The following CCDC85A variants were observed in gnomAD, a reference collection of about 807,000 sequenced individuals.
The protein encoded by CCDC85A is coiled-coil domain containing 85A.
A neutral mutation model predicts 50.2 loss-of-function variants in CCDC85A; 38 were observed. The ratio of observed to expected loss-of-function variants is 0.76; its 90% CI spans 0.58 to 0.99. CCDC85A has a LOEUF of 0.99. Ranked by LOEUF, CCDC85A falls within the 50% of genes least tolerant of loss-of-function variation. CCDC85A has a pLI of 0.00. For synonymous variants in CCDC85A, 366 were observed against 301.4 expected, an observed-to-expected ratio of 1.21 and a Z score of -2.22; for missense variants, 820 against 742.0, an observed-to-expected ratio of 1.11 and a Z score of -1.22.
Position 56,192,542 on chromosome 2 carries a change from T to C in CCDC85A, c.342T>C (p.Asp114=), listed in dbSNP as rs1407420383. The change falls in exon 2 of 6, where the codon GAT becomes GAC. Residue 114 remains aspartate, a synonymous_variant. Coordinates refer to ENST00000407595, the MANE Select transcript of CCDC85A (RefSeq NM_001080433.2). This position sits in a 1 kb window ranked among gnomAD's most constrained non-coding sequence, Gnocchi z 4.7. ...ELRDLCCFLD[D]DRQKGKRVSR... ...GGGACCTCTGCTGTTTCCTGGATGA[T>C]GACCGGCAGAAAGGCAAGAGGGTGT... 3 of 1,613,692 alleles carry C rather than the reference T, an allele frequency of 1.9e-6. No individual in the cohort carries two copies. Among genetic ancestry groups the C allele is most frequent in the Non-Finnish European group, 1.7e-6 (2 of 1,179,870 alleles).
Position 56,192,560 on chromosome 2 carries a change from G to C in CCDC85A, c.360G>C (p.Lys120Asn), listed in dbSNP as rs1313394301. 2 of 1,613,868 alleles carry C rather than the reference G, an allele frequency of 1.2e-6. No homozygotes were observed. Among genetic ancestry groups the C allele is most frequent in the Non-Finnish European group, 1.7e-6 (2 of 1,179,884 alleles). Residue 120 changes from lysine to asparagine, a missense_variant, in exon 2 of 6, where the codon AAG (lysine) becomes AAC (asparagine). Transcript: ENST00000407595. The surrounding 1 kb of genome is among the most constrained non-coding windows in gnomAD (Gnocchi z 4.7). Reference protein sequence around the residue: ...CFLDDDRQKGKRVSREWQRLG... With the variant: ...CFLDDDRQKGNRVSREWQRLG... Reference sequence around the variant, plus strand: ...TGGATGATGACCGGCAGAAAGGCAAGAGGGTGTCTCGGGAGTGGCAGAGAC... The same window carrying C: ...TGGATGATGACCGGCAGAAAGGCAACAGGGTGTCTCGGGAGTGGCAGAGAC...
intron 2 of CCDC85A, among the ~76,000 whole-genome samples, chr2:56,333,795 G>A (rs1403141795): frequency 1.3e-5 from 2 of 152,158 alleles, no homozygotes; most frequent in Non-Finnish European, 2.9e-5. Context: ...TTTGTTAAAA[G>A]GAAAGCATAA....
chr2:56,263,663 G>C (rs1670313548), intron 2 of CCDC85A, among the ~76,000 whole-genome samples: 1 of 152,246 alleles, frequency 6.6e-6, no homozygotes, highest in Non-Finnish European at 1.5e-5. Flanking sequence ...AGATGAGTGG[G>C]ATGACGTAGA....
chr2:56,234,787 C>T lies in CCDC85A; in HGVS notation c.1240+41347C>T, dbSNP rs747160396. Among the ~76,000 whole-genome samples the T allele has an allele frequency of 4.1e-4, 62 of 152,240 alleles. 1 individual carries two copies. The highest frequency in any genetic ancestry group is 8.1e-4 in the Non-Finnish European group (55 of 68,020). On this transcript the variant is annotated intron_variant, in intron 2 of 5. Coordinates refer to ENST00000407595, the MANE Select transcript of CCDC85A (RefSeq NM_001080433.2). ...TCATCTTCCTTTACCTGAGTGTTTA[C>T]ACATTCTTTTCTTGTCCTGCCTGTT... is the stretch of plus-strand genomic sequence containing the variant.
intron 2 of CCDC85A, among the ~76,000 whole-genome samples, chr2:56,253,539 G>T (rs1669860216): frequency 1.3e-5 from 2 of 152,174 alleles, no homozygotes; most frequent in Admixed American, 6.5e-5. Flanking sequence ...AGGGAGGGGA[G>T]AATTAAATTT....
At chr2:56,242,161 GT>G (rs1172188356) in intron 2 of CCDC85A, among the ~76,000 whole-genome samples, 1 of 152,062 alleles carries the variant, frequency 6.6e-6, no homozygotes, top group Non-Finnish European at 1.5e-5. Context: ...TCTTTTGTCA[GT>G]TTTTATCTGG....
intron 2 of CCDC85A, among the ~76,000 whole-genome samples, chr2:56,243,219 T>C (rs1413718821): frequency 6.6e-6 from 1 of 152,190 alleles, no homozygotes; most frequent in Non-Finnish European, 1.5e-5. Flanking sequence ...TTGAATAAAC[T>C]TTCTACCCCT....
rs780705878 is a variant in CCDC85A, at chr2:56,241,512, T to C, written c.1240+48072T>C. ...ATCTTTCTGGGCCTCTGATACCCAT[T>C]GTTCTATTCTGTGTCTCCATGATTT... On this transcript the variant is annotated intron_variant, in intron 2 of 5. Coordinates refer to ENST00000407595, the MANE Select transcript of CCDC85A (RefSeq NM_001080433.2). Among the ~76,000 whole-genome samples the C allele has an allele frequency of 8.9e-4, 135 of 152,226 alleles. 1 individual carries two copies. The highest frequency in any genetic ancestry group is 1.0e-3 in the Non-Finnish European group (69 of 68,000).
chr2:56,211,422 G>T (rs1047485038), intron 2 of CCDC85A, among the ~76,000 whole-genome samples: 1 of 151,876 alleles, frequency 6.6e-6, no homozygotes, highest in Non-Finnish European at 1.5e-5. Flanking sequence ...TTATTCTGGG[G>T]AGTATGGGCA....
At chr2:56,355,353 T>C (rs76514284) in intron 3 of CCDC85A, among the ~76,000 whole-genome samples, 2 of 151,850 alleles carry the variant, frequency 1.3e-5, no homozygotes, top group Non-Finnish European at 2.9e-5. Context: ...CTGTTCAGAA[T>C]TTTTTTTTCC....
At chr2:56,200,440 G>C (rs1279815390) in intron 2 of CCDC85A, among the ~76,000 whole-genome samples, 1 of 152,214 alleles carries the variant, frequency 6.6e-6, no homozygotes, top group East Asian at 1.9e-4. Context: ...GATATCAAGA[G>C]TAGACTACGG....
At chr2:56,239,417 A>G (rs369977042) in intron 2 of CCDC85A, among the ~76,000 whole-genome samples, 10 of 152,092 alleles carry the variant, frequency 6.6e-5, no homozygotes, top group African/African-American at 2.2e-4. Flanking sequence ...TGTAGGGTTA[A>G]TCTGGCCTGT....
At chr2:56,328,336 G>A (rs1441156818) in intron 2 of CCDC85A, among the ~76,000 whole-genome samples, 4 of 152,116 alleles carry the variant, frequency 2.6e-5, no homozygotes, top group Non-Finnish European at 5.9e-5. Context: ...TATTGAGGGA[G>A]GCTGGATACT....
intron 5 of CCDC85A, among the ~76,000 whole-genome samples, chr2:56,383,160 G>A (rs1313544218): frequency 6.6e-6 from 1 of 151,956 alleles, no homozygotes; most frequent in Non-Finnish European, 1.5e-5. Context: ...TAGAAATGAA[G>A]GTAAACAGAG....
At chr2:56,193,626 A>G (rs1676412964) in intron 2 of CCDC85A, among the ~76,000 whole-genome samples, 186 bp downstream of exon 2, 3 of 152,158 alleles carry the variant, frequency 2.0e-5, no homozygotes, top group Non-Finnish European at 2.9e-5. Flanking sequence ...TTTTTATTCT[A>G]AACAGTTATC....
chr2:56,331,664 CA>C (rs1673802790), intron 2 of CCDC85A, among the ~76,000 whole-genome samples: 1 of 152,128 alleles, frequency 6.6e-6, no homozygotes, highest in African/African-American at 2.4e-5. Flanking sequence ...TGCAAACCAT[CA>C]GTTTTAGATG....
At chr2:56,200,748 G>A (rs1447502992) in intron 2 of CCDC85A, among the ~76,000 whole-genome samples, 2 of 152,042 alleles carry the variant, frequency 1.3e-5, no homozygotes, top group African/African-American at 2.4e-5. Context: ...ACAATAACTG[G>A]GTTATTCACA....
intron 3 of CCDC85A, among the ~76,000 whole-genome samples, chr2:56,358,351 TAAAC>T (rs1355816989): frequency 6.6e-6 from 1 of 152,224 alleles, no homozygotes; most frequent in Non-Finnish European, 1.5e-5. Context: ...AAGCCTCCAA[TAAAC>T]AGTTACTCAG....
intron 2 of CCDC85A, among the ~76,000 whole-genome samples, chr2:56,234,125 G>A (rs573399005): frequency 2.0e-5 from 3 of 152,104 alleles, no homozygotes; most frequent in African/African-American, 7.2e-5. Context: ...TAAAATAGAG[G>A]ATATCTGTCC....
Sources: gnomAD v4.1 joint callset for allele counts (sites outside exome capture counted in the v4.1 genomes callset) on GRCh38, gnomAD v4.1.1 for gene constraint, Gnocchi (gnomAD v3.1) non-coding constraint, MANE v1.5 for transcripts, NCBI Gene and HGNC (gene_info 2026-07-23, HGNC 2026-07-21) for gene names.